Variants in ESR1 observed in about 807,000 individuals in gnomAD.
ESR1 encodes estrogen receptor.
In ESR1, 12 loss-of-function variants were observed where a neutral mutation model predicts 52.7. The ratio of observed to expected loss-of-function variants is 0.23; its 90% CI spans 0.15 to 0.37. ESR1 has a LOEUF of 0.37. ESR1 is among the 10% of genes least tolerant of loss of function. ESR1 has a pLI of 1.00. For synonymous variants in ESR1, 305 were observed against 316.8 expected, an observed-to-expected ratio of 0.96 and a Z score of 0.39; for missense variants, 584 against 779.7, an observed-to-expected ratio of 0.75 and a Z score of 2.99.
rs530934363 is a variant in ESR1 at position 151,684,293 on chromosome 6, G to C, written n.74-17582G>C. ...AGGGGCTGAAATCCAAGCATAGGAT[G>C]GTGGGAGCAGGGAAAGAGAGGTTGA... On this transcript the variant is annotated intron_variant and non_coding_transcript_variant, in intron 1 of 2. Coordinates refer to the ESR1 transcript ENST00000473497. 4.0e-4 allele frequency among the ~76,000 whole-genome samples: 61 copies of C among 152,302 alleles called. No homozygotes were observed. In the South Asian group the frequency reaches 0.013, roughly 32 times the overall value.
intron 6 of ESR1, among the ~76,000 whole-genome samples, chr6:152,093,825 C>A (rs1041939874): frequency 1.3e-5 from 2 of 152,164 alleles, no homozygotes; most frequent in African/African-American, 4.8e-5. Context: ...CTTAGCCAAT[C>A]GCTCATCACT....
chr6:151,893,332 G>C (rs1371671195), intron 3 of ESR1, among the ~76,000 whole-genome samples: 2 of 152,170 alleles, frequency 1.3e-5, no homozygotes, highest in Non-Finnish European at 2.9e-5. Context: ...CTGGGTAACA[G>C]AGCTAGACTC....
intron 5 of ESR1, among the ~76,000 whole-genome samples, chr6:152,023,611 G>A (rs1293211978): frequency 6.6e-6 from 1 of 152,122 alleles, no homozygotes; most frequent in East Asian, 1.9e-4. Flanking sequence ...CATCAAAAAT[G>A]TCTGTTTATA....
At chr6:151,978,032 T>C (rs2039625176) in intron 4 of ESR1, among the ~76,000 whole-genome samples, 1 of 146,606 alleles carries the variant, frequency 6.8e-6, no homozygotes, top group Non-Finnish European at 1.5e-5. Context: ...AACTTAAAAA[T>C]TAAATAAAAT....
chr6:152,109,251 CGAG>C (rs1398073864), intron 6 of ESR1, among the ~76,000 whole-genome samples: 5 of 152,124 alleles, frequency 3.3e-5, no homozygotes, highest in African/African-American at 1.2e-4. Context: ...TGAGATTTGA[CGAG>C]GACACAGATC....
chr6:151,786,087 C>T (rs537143302), intron 2 of ESR1, among the ~76,000 whole-genome samples: 27 of 152,232 alleles, frequency 1.8e-4, no homozygotes, highest in African/African-American at 2.9e-4. Flanking sequence ...AGGCCCTGCC[C>T]GCCCCAACAT....
At chr6:152,037,191 G>A (rs963677272) in intron 5 of ESR1, among the ~76,000 whole-genome samples, 34 of 152,278 alleles carry the variant, frequency 2.2e-4, no homozygotes, top group African/African-American at 7.9e-4. Flanking sequence ...TATCCGTATG[G>A]TCGGGCCTAA....
chr6:151,898,054 T>C (rs975335467), intron 3 of ESR1, among the ~76,000 whole-genome samples: 1 of 152,220 alleles, frequency 6.6e-6, no homozygotes, highest in Non-Finnish European at 1.5e-5. Context: ...GGGTTTCTGC[T>C]GAGAAATCTG....
chr6:151,910,731 G>T (rs1235537128), intron 3 of ESR1, among the ~76,000 whole-genome samples: 1 of 152,170 alleles, frequency 6.6e-6, no homozygotes, highest in Non-Finnish European at 1.5e-5. Context: ...TAAAGTGCAG[G>T]AAGAAAGTAA....
chr6:151,877,891 C>G (rs1019237531), intron 2 of ESR1, among the ~76,000 whole-genome samples: 1 of 151,978 alleles, frequency 6.6e-6, no homozygotes, highest in Admixed American at 6.6e-5. Context: ...CTCACTGCAG[C>G]CTTGACCTCC....
chr6:151,909,911 G>T (rs902996932), intron 3 of ESR1, among the ~76,000 whole-genome samples: 4 of 152,066 alleles, frequency 2.6e-5, no homozygotes, highest in African/African-American at 9.7e-5. Context: ...GGGTCAGGGA[G>T]GGACTGAACT....
intron 1 of ESR1, among the ~76,000 whole-genome samples, chr6:151,697,295 T>A (rs1366709741): frequency 3.3e-5 from 5 of 152,186 alleles, no homozygotes; most frequent in Non-Finnish European, 7.3e-5. Context: ...TTGTAAAGAT[T>A]TTGTTTCAGA....
At chr6:152,120,195 T>G (rs1360758290) in intron 6 of ESR1, among the ~76,000 whole-genome samples, 2 of 152,212 alleles carry the variant, frequency 1.3e-5, no homozygotes, top group African/African-American at 2.4e-5. Flanking sequence ...ACGATGACAC[T>G]CTTCATTGTG....
chr6:151,951,913 C>T (rs934343437), intron 4 of ESR1, among the ~76,000 whole-genome samples: 6 of 152,228 alleles, frequency 3.9e-5, no homozygotes, highest in Non-Finnish European at 7.4e-5. Flanking sequence ...CATCTGTGTG[C>T]CTGTCTCCTC....
At chr6:151,781,990 T>C (rs1786588516) in intron 2 of ESR1, among the ~76,000 whole-genome samples, 1 of 152,238 alleles carries the variant, frequency 6.6e-6, no homozygotes, top group Non-Finnish European at 1.5e-5. Flanking sequence ...AAGGACGAGA[T>C]GCACATGGGA....
At chr6:151,866,499 C>T (rs1789935370) in intron 2 of ESR1, among the ~76,000 whole-genome samples, 1 of 152,112 alleles carries the variant, frequency 6.6e-6, no homozygotes, top group African/African-American at 2.4e-5. Context: ...CCTGACAGGC[C>T]CCAGTGTGTG....
intron 4 of ESR1, among the ~76,000 whole-genome samples, chr6:152,005,162 G>A (rs1324199164): frequency 6.6e-6 from 1 of 151,972 alleles, no homozygotes; most frequent in Non-Finnish European, 1.5e-5. Flanking sequence ...CTAATTGGGG[G>A]TGTATGAAGA....
At chr6:151,951,707 T>G (rs2036343362) in intron 4 of ESR1, among the ~76,000 whole-genome samples, 1 of 152,218 alleles carries the variant, frequency 6.6e-6, no homozygotes, top group South Asian at 2.1e-4. Context: ...TCCTCCCAAA[T>G]TCTTTCACTC....
intron 4 of ESR1, among the ~76,000 whole-genome samples, chr6:152,004,967 GT>G (rs926650553): frequency 1.3e-5 from 2 of 151,918 alleles, no homozygotes; most frequent in Admixed American, 6.6e-5. Flanking sequence ...AATGAATTCA[GT>G]TTTTTGTTTT....
Sources: allele counts gnomAD v4.1 joint callset (sites outside exome capture counted in the v4.1 genomes callset), GRCh38; gene constraint gnomAD v4.1.1; transcripts MANE v1.5; gene names NCBI Gene and HGNC (gene_info 2026-07-23, HGNC 2026-07-21).